Variants in PER3 observed in about 807,000 individuals in gnomAD.
PER3 encodes period circadian protein homolog 3.
PER3 carries 107 observed loss-of-function variants against 127.2 expected under a neutral mutation model. The observed-to-expected ratio is 0.84, with a 90% CI of 0.72 to 0.99. The LOEUF (loss-of-function observed/expected upper bound fraction) is 0.99, where lower values mean the gene tolerates loss of function less well. Among genes scored for constraint, PER3 ranks in the 50% least tolerant of loss-of-function variants. The pLI, the probability that PER3 is intolerant of heterozygous loss-of-function variation, is 0.00. For synonymous variants in PER3, 618 were observed against 585.8 expected, an observed-to-expected ratio of 1.05 and a Z score of -0.79; for missense variants, 1,560 against 1,525.8, an observed-to-expected ratio of 1.02 and a Z score of -0.37.
At chr1:7,808,216 G>T (rs961131536) in intron 10 of PER3, among the ~76,000 whole-genome samples, 1 of 123,682 alleles carries the variant, frequency 8.1e-6, no homozygotes, top group Non-Finnish European at 1.6e-5. Flanking sequence ...CTGGGTGACA[G>T]AGCAAGACTC....
At chr1:7,841,023 A>G (rs919603614) in intron 21 of PER3, among the ~76,000 whole-genome samples, 32 of 152,236 alleles carry the variant, frequency 2.1e-4, no homozygotes, top group African/African-American at 7.7e-4. Context: ...GCCTATACCA[A>G]GGGTGTCCAA....
rs139315125 is a variant in PER3, at chr1:7,809,900, A to G, written c.1250A>G (p.His417Arg). The change falls in exon 12 of 22, where the codon CAC becomes CGC. Residue 417 changes from histidine to arginine, a missense_variant. Coordinates refer to ENST00000377532, the MANE Select transcript of PER3 (RefSeq NM_001377275.1). ...QIYKLLLQPV[H>R]VSVSSGYGSL... ...TCCTCTTTGTCCTTCCAGCCAGTTC[A>G]CGTGAGCGTGTCCAGCGGCTACGGG... 4.9e-3 allele frequency: 7,968 copies of G among 1,613,976 alleles called. 47 individuals carry two copies. Among genetic ancestry groups the G allele is most frequent in the Non-Finnish European group, 4.8e-3 (5,690 of 1,179,912 alleles).
chr1:7,827,609 G>T lies in PER3; in HGVS notation c.2680G>T (p.Ala894Ser), dbSNP rs897337430. Residue 894 changes from alanine (A) to serine (S), a missense_variant, in exon 18 of 22, where the codon GCA becomes TCA. Ala to Ser is a moderately conservative substitution (Grantham distance 99, BLOSUM62 1). Coordinates refer to ENST00000377532, the MANE Select transcript of PER3 (RefSeq NM_001377275.1). ...TGCGATATCACCCTCAATGTCGTCA[G>T]CAATGAGTCCAACTCTGGACCCACC... The part of the protein sequence containing the change: ...SSAISPSMSS[A>S]MSPTLDPPPS... 1 of 1,614,054 alleles carries T rather than the reference G, an allele frequency of 6.2e-7. No individual in the cohort carries two copies. Among genetic ancestry groups the T allele is most frequent in the Non-Finnish European group, 8.5e-7 (1 of 1,180,014 alleles).
intron 21 of PER3, among the ~76,000 whole-genome samples, chr1:7,837,793 G>A (rs1244746605): frequency 6.6e-6 from 1 of 152,162 alleles, no homozygotes; most frequent in East Asian, 1.9e-4. Flanking sequence ...TAACAAGTAG[G>A]CCTAGTCCAG....
intron 16 of PER3, among the ~76,000 whole-genome samples, chr1:7,823,262 C>A (rs1300710960): frequency 6.6e-6 from 1 of 152,120 alleles, no homozygotes; most frequent in Non-Finnish European, 1.5e-5. Context: ...AAATAGATTC[C>A]AGGACATCTT....
intron 13 of PER3, among the ~76,000 whole-genome samples, chr1:7,814,782 C>T (rs2150939536): frequency 6.6e-6 from 1 of 152,258 alleles, no homozygotes; most frequent in South Asian, 2.1e-4. Context: ...GACAACAATA[C>T]TACAGAGGGT....
chr1:7,810,418 T>G lies in PER3; in HGVS notation c.1372-20T>G, dbSNP rs1283874322. The G allele has an allele frequency of 6.4e-7, 1 of 1,551,414 alleles. No individual in the cohort carries two copies. The highest frequency in any genetic ancestry group is 8.7e-7 in the Non-Finnish European group (1 of 1,143,004). On this transcript the variant is annotated intron_variant, in intron 12 of 21. Coordinates refer to ENST00000377532, the MANE Select transcript of PER3 (RefSeq NM_001377275.1). Reference sequence around the variant, plus strand: ...ATTTTTATAATTTTTGAAACATATTTTATCATTCCTTTCCCTAAGATGACC... The same window carrying G: ...ATTTTTATAATTTTTGAAACATATTGTATCATTCCTTTCCCTAAGATGACC...
At position 7,827,777 on chromosome 1, in the gene PER3, G is replaced by T; in HGVS notation, c.2848G>T (p.Asp950Tyr). 6.2e-7 allele frequency: 1 copy of T among 1,613,858 alleles called. No individual in the cohort carries two copies. The highest frequency in any genetic ancestry group is 8.5e-7 in the Non-Finnish European group (1 of 1,179,914). ...GATGCCCAGACCCTCTGAATCTCCA[G>T]ATCAGATGAGAAGGAACACGTGCCC... Reference protein sequence around the residue: ...EEMPRPSESPDQMRRNTCPQT... With the variant: ...EEMPRPSESPYQMRRNTCPQT... Residue 950 changes from aspartate to tyrosine, a missense_variant, in exon 18 of 22, where the codon GAT (aspartate) becomes TAT (tyrosine). Physicochemically the swap from Asp to Tyr is radical, Grantham distance 160. Coordinates refer to ENST00000377532, the MANE Select transcript of PER3 (RefSeq NM_001377275.1).
In PER3 at chr1:7,788,246, G is replaced by A; in HGVS notation, c.592G>A (p.Ala198Thr). The A allele has an allele frequency of 1.2e-6, 2 of 1,606,722 alleles. No homozygotes were observed. Among genetic ancestry groups the A allele is most frequent in the Non-Finnish European group, 1.7e-6 (2 of 1,173,304 alleles). ...LPFWNNWTQR[A>T]AARYECAPVK... Reference sequence around the variant, plus strand: ...TTTCTGGAACAACTGGACCCAAAGAGGTAACAGGACCAATGTTCAGATGTC... The same window carrying A: ...TTTCTGGAACAACTGGACCCAAAGAAGTAACAGGACCAATGTTCAGATGTC... The change falls in exon 5 of 22, where the codon GCA (alanine) becomes ACA (threonine). Residue 198 changes from alanine to threonine, a missense_variant and splice_region_variant. By Grantham distance (58) the Ala-to-Thr change is moderately conservative. This residue lies in a region of PER3 where 1,332 missense variants were observed against 1,223.6 expected (regional missense o/e 1.09). Transcript: ENST00000377532.
At chr1:7,835,661 A>AG in intron 19 of PER3, 101 bp from the exon 20 acceptor site, 1 of 756,130 alleles carries the variant, frequency 1.3e-6, no homozygotes, top group Non-Finnish European at 2.2e-6. Flanking sequence ...GGGCTGGCTG[A>AG]GGAGGAGGAC....
In PER3 at chr1:7,803,165, C is replaced by T. The variant is rs756048515; in HGVS notation, c.979+12C>T. 2 of 1,427,928 alleles carry T rather than the reference C, an allele frequency of 1.4e-6. No homozygotes were observed. Among genetic ancestry groups the T allele is most frequent in the East Asian group, 2.3e-5 (1 of 44,116 alleles). 88.5% of individuals were successfully genotyped at this position (1,427,928 alleles called of 1,614,324 possible). A position where few individuals can be genotyped will look rare whatever the true frequency, so the allele number is the denominator to read the frequency against. On this transcript the variant is annotated intron_variant, in intron 9 of 21. Transcript: ENST00000377532. ...CATACACCAAAAAGGTCAGGACCTA[C>T]TCCTTTATAGGAGGAAATATTTTTC...
chr1:7,792,211 G>A (rs2097124944), intron 5 of PER3, among the ~76,000 whole-genome samples: 2 of 152,096 alleles, frequency 1.3e-5, no homozygotes, highest in African/African-American at 2.4e-5. Flanking sequence ...CATGGCAGAC[G>A]GGGACATGTC....
chr1:7,828,956 TG>T (rs1258378637), intron 18 of PER3, among the ~76,000 whole-genome samples: 1 of 152,168 alleles, frequency 6.6e-6, no homozygotes, highest in African/African-American at 2.4e-5. Context: ...AAACTACTTG[TG>T]GGGTGCCTGG....
Position 7,827,291 on chromosome 1 carries a change from A to T in PER3, c.2362A>T (p.Thr788Ser). 6.2e-7 allele frequency: 1 copy of T among 1,613,600 alleles called. No individual in the cohort carries two copies. Among genetic ancestry groups the T allele is most frequent in the South Asian group, 1.1e-5 (1 of 91,016 alleles). Residue 788 changes from threonine (T) to serine (S), a missense_variant, in exon 18 of 22, where the codon ACC becomes TCC. By Grantham distance (58) the Thr-to-Ser change is moderately conservative. Around this residue, in one of 3 missense-constraint regions of PER3, gnomAD observed 1,332 missense variants for 1,223.6 expected, o/e 1.09. Transcript: ENST00000377532. ...CCPSAASSPH[T>S]SSPTFPPAAM... The stretch of plus-strand genomic sequence containing the variant: ...CCCCTCCGCGGCCTCCTCTCCGCAC[A>T]CCTCGAGCCCGACCTTCCCACCTGC...
rs2097402256 is a variant in PER3, at chr1:7,844,068, G to C, written c.*1313G>C. 1 of 762,274 alleles carries C rather than the reference G, an allele frequency of 1.3e-6. No homozygotes were observed. The highest frequency in any genetic ancestry group is 1.9e-5 in the African/African-American group (1 of 52,214). The allele number at this position is 762,274 out of a possible 1,614,324, so 47.2% of individuals were successfully genotyped here. A position where few individuals can be genotyped will look rare whatever the true frequency, so the allele number is the denominator to read the frequency against. ...CCTTTTTTTGTTTTTGGTTTTTTAT[G>C]GTTTTTTAAGGAAAATACTTTTCTC... On this transcript the variant is annotated 3_prime_UTR_variant, in exon 22 of 22. Transcript: ENST00000377532.
Position 7,829,939 on chromosome 1 carries a change from GCTCTGTC to G in PER3, c.2994_3000del (p.Leu999GlnfsTer6). ...GAATCCATCCCATCCTACTGCCAGC[GCTCTGTC>G]CACAGGATCGCCTCCCATGAAGAAT... is the stretch of plus-strand genomic sequence containing the variant. On this transcript the variant is annotated frameshift_variant, in exon 19 of 22. Coordinates refer to ENST00000377532, the MANE Select transcript of PER3 (RefSeq NM_001377275.1). LOFTEE classifies it high-confidence loss of function. 21 of 1,282,500 alleles carry G rather than the reference GCTCTGTC, an allele frequency of 1.6e-5. No homozygotes were observed. The East Asian group carries it at 1.8e-4, about 11-fold the overall frequency. The allele number at this position is 1,282,500 out of a possible 1,614,324, so 79.4% of individuals were successfully genotyped here. A position where few individuals can be genotyped will look rare whatever the true frequency, so the allele number is the denominator to read the frequency against.
intron 4 of PER3, chr1:7,787,116 AAAC>A: frequency 2.8e-6 from 1 of 360,954 alleles, no homozygotes; most frequent in Non-Finnish European, 4.7e-6. Context: ...AATTAAGAGA[AAAC>A]AAAAATTACA....
At chr1:7,797,029 G>C (rs2097148729) in intron 6 of PER3, among the ~76,000 whole-genome samples, 1 of 152,186 alleles carries the variant, frequency 6.6e-6, no homozygotes, top group African/African-American at 2.4e-5. Flanking sequence ...TGTGATACCT[G>C]TTGAATATCC....
Position 7,815,717 on chromosome 1 carries a change from G to A in PER3, c.1523-3568G>A, listed in dbSNP as rs576062739. 2.0e-5 allele frequency among the ~76,000 whole-genome samples: 3 copies of A among 152,170 alleles called. No homozygotes were observed. The South Asian group carries it at 6.2e-4, about 32-fold the overall frequency. On this transcript the variant is annotated intron_variant, in intron 13 of 21. Coordinates refer to ENST00000377532, the MANE Select transcript of PER3 (RefSeq NM_001377275.1). ...AAAAACATTTTGGGCCGGGCGCAGT[G>A]GCTCACGCCTGTAATCCCAGCACTT...
Sources: allele counts gnomAD v4.1 joint callset (sites outside exome capture counted in the v4.1 genomes callset), GRCh38; gene constraint gnomAD v4.1.1; regional missense constraint gnomAD v4.1.1; transcripts MANE v1.5; gene names NCBI Gene and HGNC (gene_info 2026-07-23, HGNC 2026-07-21).